The following ITSN2 variants were observed in gnomAD, a reference collection of about 807,000 sequenced individuals.
ITSN2 encodes intersectin 2, also known as intersectin-2.
A neutral mutation model predicts 243.7 loss-of-function variants in ITSN2; 156 were observed. The observed-to-expected ratio is 0.64, with a 90% confidence interval of 0.56 to 0.73. The LOEUF (loss-of-function observed/expected upper bound fraction) is 0.73. Among genes scored for constraint, ITSN2 ranks in the 30% least tolerant of loss-of-function variants. ITSN2 has a pLI of 0.00. For synonymous variants in ITSN2, 703 were observed against 699.9 expected (o/e 1.00, Z -0.07); for missense variants, 1,801 against 1,996.1 (o/e 0.90, Z 1.86).
At chr2:24,279,450 T>C (rs1265620963) in intron 17 of ITSN2, among the ~76,000 whole-genome samples, 1 of 152,234 alleles carries the variant, frequency 6.6e-6, no homozygotes, top group Non-Finnish European at 1.5e-5. Context: ...AAAGTAATTT[T>C]GTTTTTTCAC....
At chr2:24,297,864 G>A (rs1681178454) in intron 13 of ITSN2, among the ~76,000 whole-genome samples, 1 of 152,150 alleles carries the variant, frequency 6.6e-6, no homozygotes, top group Non-Finnish European at 1.5e-5. Flanking sequence ...ATAATTCTCA[G>A]CATTTTGAGT....
intron 17 of ITSN2, among the ~76,000 whole-genome samples, chr2:24,280,416 G>A (rs1678623926): frequency 6.6e-6 from 1 of 151,944 alleles, no homozygotes; most frequent in African/African-American, 2.4e-5. Flanking sequence ...CCCTTAATCT[G>A]ACCCAATCCC....
intron 1 of ITSN2, among the ~76,000 whole-genome samples, chr2:24,338,272 T>C (rs937819189): frequency 1.3e-5 from 2 of 152,234 alleles, no homozygotes; most frequent in African/African-American, 2.4e-5. Context: ...ACTCAAGCTA[T>C]TGTCAACCAG....
chr2:24,230,756 G>A (rs1671507286), intron 29 of ITSN2, among the ~76,000 whole-genome samples: 2 of 151,980 alleles, frequency 1.3e-5, no homozygotes, highest in Non-Finnish European at 2.9e-5. Context: ...CGACAAGAGT[G>A]AAACTCCATC....
chr2:24,219,681 A>T (rs1485662538), intron 30 of ITSN2, among the ~76,000 whole-genome samples: 1 of 152,118 alleles, frequency 6.6e-6, no homozygotes, highest in Non-Finnish European at 1.5e-5. Context: ...CCCAGACCTG[A>T]TGCTTCACTC....
intron 17 of ITSN2, among the ~76,000 whole-genome samples, chr2:24,282,940 A>G (rs2151534813): frequency 6.6e-6 from 1 of 151,712 alleles, no homozygotes; most frequent in East Asian, 1.9e-4. Context: ...CAATTACCAC[A>G]ATCTCAATCT....
intron 32 of ITSN2, among the ~76,000 whole-genome samples, chr2:24,213,537 T>A (rs540246510): frequency 5.3e-5 from 8 of 152,376 alleles, no homozygotes; most frequent in Non-Finnish European, 1.2e-4. Context: ...GTCACAAGCA[T>A]CTTCGTGCTT....
At chr2:24,307,316 T>C (rs1301646270) in intron 8 of ITSN2, among the ~76,000 whole-genome samples, 1 of 151,802 alleles carries the variant, frequency 6.6e-6, no homozygotes, top group African/African-American at 2.4e-5. Context: ...ACATCACTAA[T>C]TGTAGCACAC....
At chr2:24,302,164 A>G in intron 9 of ITSN2, 62 bp from the exon 10 acceptor site, 1 of 1,062,132 alleles carries the variant, frequency 9.4e-7, no homozygotes. Flanking sequence ...TATTGCCTTA[A>G]AAGTTCAATT....
intron 1 of ITSN2, among the ~76,000 whole-genome samples, chr2:24,337,629 C>T (rs907496599): frequency 2.1e-5 from 3 of 145,320 alleles, no homozygotes; most frequent in South Asian, 2.2e-4. Flanking sequence ...GGATTACAGG[C>T]GTGAGCCACC....
At chr2:24,315,756 T>A (rs528124553) in intron 2 of ITSN2, among the ~76,000 whole-genome samples, 1 of 151,196 alleles carries the variant, frequency 6.6e-6, no homozygotes, top group East Asian at 1.9e-4. Context: ...AGTGTGGCAC[T>A]TCCCCCCTTG....
intron 29 of ITSN2, among the ~76,000 whole-genome samples, chr2:24,242,695 T>C (rs921836275): frequency 3.3e-5 from 5 of 152,202 alleles, no homozygotes; most frequent in Non-Finnish European, 7.3e-5. Context: ...CTTTCCTAGA[T>C]AATTTAAACA....
intron 1 of ITSN2, among the ~76,000 whole-genome samples, chr2:24,357,727 G>C (rs777823215): frequency 6.6e-6 from 1 of 152,030 alleles, no homozygotes; most frequent in Admixed American, 6.5e-5. Flanking sequence ...AAAATGCACC[G>C]TTAGATGGTA....
intron 17 of ITSN2, among the ~76,000 whole-genome samples, chr2:24,278,745 G>C (rs903558904): frequency 6.8e-6 from 1 of 146,924 alleles, no homozygotes; most frequent in Non-Finnish European, 1.5e-5. Context: ...TCCGCCTCCC[G>C]GGTTCAAGCA....
chr2:24,310,806 T>C (rs1227555307), intron 5 of ITSN2, 114 bp from the exon 6 acceptor site: 1 of 804,112 alleles, frequency 1.2e-6, no homozygotes. Context: ...AACACACAGA[T>C]GAATTATCCT....
chr2:24,303,643 C>T (rs1435696391), intron 9 of ITSN2, among the ~76,000 whole-genome samples, 156 bp downstream of exon 9: 1 of 152,186 alleles, frequency 6.6e-6, no homozygotes, highest in African/African-American at 2.4e-5. Context: ...CATTTGCCTC[C>T]AAGCTTAATA....
intron 7 of ITSN2, among the ~76,000 whole-genome samples, chr2:24,309,136 G>C (rs1682925004): frequency 6.6e-6 from 1 of 152,196 alleles, no homozygotes; most frequent in Admixed American, 6.5e-5. Flanking sequence ...TATGAAACCA[G>C]TCCCTGGTAC....
At position 24,312,397 on chromosome 2, in the gene ITSN2, T is replaced by C. The variant is rs192493175; in HGVS notation, c.189-22A>G. On this transcript the variant is annotated intron_variant, in intron 4 of 39. Coordinates refer to ENST00000355123, the MANE Select transcript of ITSN2 (RefSeq NM_006277.3). ...AGCCCTAAAAGGAGCATGAGGTAGG[T>C]AGATTGCTATGTGGTGTGGTGGTGG... 51 of 1,569,964 alleles carry C rather than the reference T, an allele frequency of 3.2e-5. No individual in the cohort carries two copies. In the Admixed American group the frequency reaches 6.9e-4, roughly 21 times the overall value.
At chr2:24,217,872 G>A in intron 31 of ITSN2, 35 bp downstream of exon 31, 1 of 1,464,748 alleles carries the variant, frequency 6.8e-7, no homozygotes, top group Non-Finnish European at 9.6e-7. Flanking sequence ...GGGCTTTGGG[G>A]TCAGCGGCAA....
Sources: gnomAD v4.1 joint callset for allele counts (sites outside exome capture counted in the v4.1 genomes callset) on GRCh38, gnomAD v4.1.1 for gene constraint, MANE v1.5 for transcripts, NCBI Gene and HGNC (gene_info 2026-07-23, HGNC 2026-07-21) for gene names.